Variants in CDH4 observed in about 807,000 individuals in gnomAD.
CDH4 encodes the protein cadherin 4.
A neutral mutation model predicts 86.0 loss-of-function variants in CDH4; 33 were observed. That is an observed-to-expected ratio of 0.38 (90% CI 0.29 to 0.51). The LOEUF (loss-of-function observed/expected upper bound fraction) is 0.51, where lower values mean the gene tolerates loss of function less well. Among genes scored for constraint, CDH4 ranks in the 20% least tolerant of loss-of-function variants. CDH4 has a pLI of 0.86. For synonymous variants in CDH4, 555 were observed against 549.4 expected, an observed-to-expected ratio of 1.01 and a Z score of -0.14; for missense variants, 1,114 against 1,307.4, an observed-to-expected ratio of 0.85 and a Z score of 2.28.
chr20:61,439,446 AC>A lies in CDH4; in HGVS notation c.169+184511del, dbSNP rs570200665. On this transcript the variant is annotated intron_variant, in intron 2 of 15. Coordinates refer to ENST00000614565, the MANE Select transcript of CDH4 (RefSeq NM_001794.5). ...AAGGCTGGCATCATCCCAAGCCATG[AC>A]CAGCCAGGGCATGCAAGATGGCACA... Among the ~76,000 whole-genome samples, 29 of 152,282 alleles carry A rather than the reference AC, an allele frequency of 1.9e-4. No individual in the cohort carries two copies. The East Asian group carries it at 5.6e-3, about 29-fold the overall frequency.
chr20:61,269,722 T>C lies in CDH4; in HGVS notation c.169+14785T>C. The stretch of plus-strand genomic sequence containing the variant: ...TCCTGCTCTCCTCCTCCTCTTCTGG[T>C]CCCTGTGAAGTGACCTGCCTGGCTG... On this transcript the variant is annotated intron_variant, in intron 2 of 15. Transcript: ENST00000614565. This position sits in a 1 kb window ranked among gnomAD's most constrained non-coding sequence, Gnocchi z 5.3. Among the ~76,000 whole-genome samples, 1 of 152,130 alleles carries C rather than the reference T, an allele frequency of 6.6e-6. No individual in the cohort carries two copies. The highest frequency in any genetic ancestry group is 1.9e-4 in the East Asian group (1 of 5,186).
At chr20:61,756,315 C>A (rs2088564451) in intron 3 of CDH4, among the ~76,000 whole-genome samples, 1 of 152,174 alleles carries the variant, frequency 6.6e-6, no homozygotes, top group African/African-American at 2.4e-5. Context: ...GGGACTGTCA[C>A]AGAATGAGAG....
At chr20:61,720,120 G>A (rs753874666) in intron 2 of CDH4, among the ~76,000 whole-genome samples, 2 of 152,042 alleles carry the variant, frequency 1.3e-5, no homozygotes, top group Non-Finnish European at 1.5e-5. Context: ...TGGCAGCATC[G>A]CCCGTGTGTC....
intron 2 of CDH4, among the ~76,000 whole-genome samples, chr20:61,296,491 T>C (rs2084355613): frequency 6.6e-6 from 1 of 151,638 alleles, no homozygotes; most frequent in African/African-American, 2.4e-5. Context: ...AGAAAAAAAA[T>C]GCTTTAAAAT....
At position 61,931,281 on chromosome 20, in the gene CDH4, C is replaced by T. The variant is rs567421831; in HGVS notation, c.2239+1439C>T. On this transcript the variant is annotated intron_variant, in intron 13 of 15. Coordinates refer to ENST00000614565, the MANE Select transcript of CDH4 (RefSeq NM_001794.5). ...GGCTCCAGGTTCTCACGGAGCTGCA[C>T]CTGCAGTGCGTGGCTCCTCCCTCCG... is the stretch of plus-strand genomic sequence containing the variant. 6.6e-5 allele frequency among the ~76,000 whole-genome samples: 10 copies of T among 152,366 alleles called. No individual in the cohort carries two copies. In the South Asian group the frequency reaches 1.4e-3, roughly 22 times the overall value.
At chr20:61,584,488 T>A (rs796110130) in intron 2 of CDH4, among the ~76,000 whole-genome samples, 6 of 152,228 alleles carry the variant, frequency 3.9e-5, no homozygotes, top group African/African-American at 1.4e-4. Flanking sequence ...CTGTGGCTGC[T>A]TTCTCCCACT....
intron 2 of CDH4, among the ~76,000 whole-genome samples, chr20:61,507,448 C>A (rs149967046): frequency 6.6e-6 from 1 of 152,144 alleles, no homozygotes; most frequent in Non-Finnish European, 1.5e-5. Flanking sequence ...GCCAGCAGCA[C>A]GTGACCGGGC....
At chr20:61,809,190 A>G (rs1266190564) in intron 4 of CDH4, among the ~76,000 whole-genome samples, 4 of 152,106 alleles carry the variant, frequency 2.6e-5, no homozygotes, top group Non-Finnish European at 4.4e-5. Flanking sequence ...TTCTTGTACT[A>G]TTCAGACGTG....
At chr20:61,908,185 A>T (rs2054811635) in intron 8 of CDH4, among the ~76,000 whole-genome samples, 1 of 152,202 alleles carries the variant, frequency 6.6e-6, no homozygotes. Context: ...TCCATCCTTG[A>T]CAAGGCAGCC....
rs1019401888 is a variant in CDH4 at position 61,406,232 on chromosome 20, C to G, written c.169+151295C>G. 3.9e-5 allele frequency among the ~76,000 whole-genome samples: 6 copies of G among 152,090 alleles called. No homozygotes were observed. In the East Asian group the frequency reaches 1.2e-3, roughly 29 times the overall value. On this transcript the variant is annotated intron_variant, in intron 2 of 15. Transcript: ENST00000614565. ...CAGACCACCATCTGCTCTACCCGGA[C>G]CACCATCTGCTCTACCCGGACCACC...
At chr20:61,828,712 G>A (rs1981440243) in intron 4 of CDH4, among the ~76,000 whole-genome samples, 1 of 152,216 alleles carries the variant, frequency 6.6e-6, no homozygotes, top group South Asian at 2.1e-4. Context: ...TCACTTCTGT[G>A]TGGCCTTGGC....
chr20:61,452,796 C>T (rs1227316350), intron 2 of CDH4, among the ~76,000 whole-genome samples: 3 of 152,036 alleles, frequency 2.0e-5, no homozygotes, highest in Admixed American at 6.6e-5. Flanking sequence ...AGAAAGTGGC[C>T]CCTGGCAGGT....
chr20:61,543,841 G>C (rs1246010561), intron 2 of CDH4, among the ~76,000 whole-genome samples: 1 of 152,212 alleles, frequency 6.6e-6, no homozygotes, highest in Non-Finnish European at 1.5e-5. Flanking sequence ...GTGGACCAAG[G>C]CTGTTGACCT....
intron 2 of CDH4, among the ~76,000 whole-genome samples, chr20:61,475,137 A>G (rs921541687): frequency 1.4e-4 from 22 of 152,298 alleles, no homozygotes; most frequent in South Asian, 2.1e-4. Context: ...AAGTCACTGT[A>G]CAAAAGGGGG....
In CDH4 at chr20:61,421,223, G is replaced by A. The variant is rs537391613; in HGVS notation, c.169+166286G>A. Among the ~76,000 whole-genome samples the A allele has an allele frequency of 7.2e-5, 11 of 152,294 alleles. No homozygotes were observed. The South Asian group carries it at 1.0e-3, about 14-fold the overall frequency. On this transcript the variant is annotated intron_variant, in intron 2 of 15. Coordinates refer to ENST00000614565, the MANE Select transcript of CDH4 (RefSeq NM_001794.5). ...GGCTGGCTGGTGGCTGCATGGCAGC[G>A]TGCATTTGTAAGAGTCCCTCACTCA...
chr20:61,371,243 G>A (rs2084838528), intron 2 of CDH4, among the ~76,000 whole-genome samples: 1 of 152,154 alleles, frequency 6.6e-6, no homozygotes, highest in South Asian at 2.1e-4. Context: ...GGTGGGAAGT[G>A]GGGAGAGGTG....
chr20:61,931,607 C>T (rs760274572), intron 13 of CDH4, among the ~76,000 whole-genome samples: 2 of 152,178 alleles, frequency 1.3e-5, no homozygotes, highest in Non-Finnish European at 2.9e-5. Context: ...TGGGAGGTGA[C>T]GGGAGGCTTC....
intron 4 of CDH4, among the ~76,000 whole-genome samples, chr20:61,815,202 G>A (rs777884896): frequency 3.5e-4 from 53 of 152,140 alleles, no homozygotes; most frequent in Non-Finnish European, 7.1e-4. Context: ...GCTGAGCTAC[G>A]TACGAAGTCC....
At chr20:61,915,452 G>C (rs1210864660) in intron 9 of CDH4, among the ~76,000 whole-genome samples, 4 of 152,228 alleles carry the variant, frequency 2.6e-5, no homozygotes, top group Non-Finnish European at 4.4e-5. Context: ...GGCCTCCTGA[G>C]GCAGCATGAA....
Sources: gnomAD v4.1 joint callset for allele counts (sites outside exome capture counted in the v4.1 genomes callset) on GRCh38, gnomAD v4.1.1 for gene constraint, Gnocchi (gnomAD v3.1) non-coding constraint, MANE v1.5 for transcripts, NCBI Gene and HGNC (gene_info 2026-07-23, HGNC 2026-07-21) for gene names.